Variants in RNFT2 observed in about 807,000 individuals in gnomAD.
RNFT2 encodes ring finger protein, transmembrane 2, also known as E3 ubiquitin-protein ligase RNFT2.
A neutral mutation model predicts 53.0 loss-of-function variants in RNFT2; 36 were observed. The ratio of observed to expected loss-of-function variants is 0.68; its 90% confidence interval spans 0.52 to 0.90. RNFT2 has a LOEUF of 0.90. Among genes scored for constraint, RNFT2 ranks in the 40% least tolerant of loss-of-function variants. The probability of loss-of-function intolerance (pLI) is 0.00; values close to 1 mark genes in which losing one functional copy is unlikely to be tolerated. For synonymous variants in RNFT2, 260 were observed against 253.2 expected (o/e 1.03, Z -0.26); for missense variants, 514 against 585.6 (o/e 0.88, Z 1.26).
chr12:116,823,158 G>C (rs537405625), intron 7 of RNFT2, among the ~76,000 whole-genome samples: 2 of 152,252 alleles, frequency 1.3e-5, no homozygotes, highest in Admixed American at 6.5e-5. Flanking sequence ...CTTTGTGGAA[G>C]CTACTTCATG....
At chr12:116,756,410 G>C (rs1231404677) in intron 5 of RNFT2, among the ~76,000 whole-genome samples, 1 of 151,946 alleles carries the variant, frequency 6.6e-6, no homozygotes, top group African/African-American at 2.4e-5. Context: ...AAGAGCTACT[G>C]ACTTCTGTAC....
In RNFT2 at chr12:116,849,357, A is replaced by T. The variant is rs1877788728; in HGVS notation, c.1244A>T (p.Glu415Val). Residue 415 changes from glutamate to valine, a missense_variant, in exon 11 of 11, where the codon GAG (glutamate) becomes GTG (valine). Physicochemically the swap from Glu to Val is moderately radical, Grantham distance 121. Coordinates refer to ENST00000257575, the MANE Select transcript of RNFT2 (RefSeq NM_001382266.1). ...TGCCTCTGCCTGTGGCTGGACCGTG[A>T]GCGCACCTGCCCGCTCTGCCGCTCG... is the stretch of plus-strand genomic sequence containing the variant. ...EECLCLWLDR[E>V]RTCPLCRSVA... 6.5e-7 allele frequency: 1 copy of T among 1,546,592 alleles called. No individual in the cohort carries two copies. Among genetic ancestry groups the T allele is most frequent in the Non-Finnish European group, 8.7e-7 (1 of 1,149,204 alleles).
Position 116,849,346 on chromosome 12 carries a change from G to A in RNFT2, c.1233G>A (p.Trp411Ter). Residue 411 changes from tryptophan to a stop codon, truncating the protein, a stop_gained, in exon 11 of 11, where the codon TGG becomes TGA. Coordinates refer to ENST00000257575, the MANE Select transcript of RNFT2 (RefSeq NM_001382266.1). LOFTEE classifies it high-confidence loss of function. ...TCTGTGAGGAGTGCCTCTGCCTGTG[G>A]CTGGACCGTGAGCGCACCTGCCCGC... is the stretch of plus-strand genomic sequence containing the variant. ...HVFCEECLCL[W>*]LDRERTCPLC... The A allele has an allele frequency of 6.5e-7, 1 of 1,543,822 alleles. No individual in the cohort carries two copies.
intron 2 of RNFT2, 102 bp from the exon 3 acceptor site, chr12:116,740,934 A>G (rs1871575708): frequency 2.1e-6 from 2 of 961,452 alleles, no homozygotes; most frequent in Non-Finnish European, 3.3e-6. Context: ...CTAGGGGTCT[A>G]AGATACGACT....
rs1428144196 is a variant in RNFT2, at chr12:116,832,146, AAAATAT to A, written c.883-1644_883-1639del. 9.7e-4 allele frequency among the ~76,000 whole-genome samples: 69 copies of A among 71,092 alleles called. 1 individual carries two copies. The highest frequency in any genetic ancestry group is 3.4e-3 in the African/African-American group (67 of 19,572). 46.6% of individuals were successfully genotyped at this position (71,092 alleles called of 152,430 possible). A position where few individuals can be genotyped will look rare whatever the true frequency, so the allele number is the denominator to read the frequency against. On this transcript the variant is annotated intron_variant, in intron 7 of 10. Transcript: ENST00000257575. ...ACCTTGTCTCAAAAAAAAAAAAAAA[AAAATAT>A]ATATATATATATATATATCTTTCTA... is the stretch of plus-strand genomic sequence containing the variant.
intron 8 of RNFT2, among the ~76,000 whole-genome samples, chr12:116,835,304 C>A (rs1876904972): frequency 6.6e-6 from 1 of 152,226 alleles, no homozygotes; most frequent in South Asian, 2.1e-4. Context: ...CACACTTCTA[C>A]TGAATGTTTT....
intron 5 of RNFT2, among the ~76,000 whole-genome samples, chr12:116,764,749 G>A (rs1201357742): frequency 6.6e-6 from 1 of 152,098 alleles, no homozygotes; most frequent in Non-Finnish European, 1.5e-5. Context: ...AAAATTAGCT[G>A]GGCATGGTGG....
At chr12:116,779,082 C>G in intron 6 of RNFT2, 113 bp from the exon 7 acceptor site, 1 of 1,122,872 alleles carries the variant, frequency 8.9e-7, no homozygotes, top group Admixed American at 2.1e-5. Context: ...CGTCTGACTC[C>G]CAGTTCAGCG....
At chr12:116,817,923 T>A (rs927511019) in intron 7 of RNFT2, among the ~76,000 whole-genome samples, 2 of 152,210 alleles carry the variant, frequency 1.3e-5, no homozygotes, top group African/African-American at 2.4e-5. Context: ...TCTCATTTCA[T>A]TGGGGGAAAT....
chr12:116,800,814 A>AAAATAAAATAAAATGAAATG (rs2137149943), intron 7 of RNFT2, among the ~76,000 whole-genome samples: 1 of 108,002 alleles, frequency 9.3e-6, no homozygotes, highest in African/African-American at 4.5e-5. Flanking sequence ...ACTCCATCTT[A>AAAATAAAATAAAATGAAATG]AAATAAAATA....
chr12:116,740,607 A>T, intron 2 of RNFT2, 86 bp downstream of exon 2: 1 of 1,216,236 alleles, frequency 8.2e-7, no homozygotes, highest in Non-Finnish European at 1.2e-6. Flanking sequence ...TGACCACTCC[A>T]CCCCTCCCAT....
intron 5 of RNFT2, among the ~76,000 whole-genome samples, chr12:116,763,289 C>T (rs1019324360): frequency 7.9e-5 from 12 of 152,204 alleles, no homozygotes; most frequent in African/African-American, 2.6e-4. Flanking sequence ...GCATCACTAC[C>T]GATCAGGGAA....
At chr12:116,759,309 T>C (rs1872608881) in intron 5 of RNFT2, among the ~76,000 whole-genome samples, 1 of 152,256 alleles carries the variant, frequency 6.6e-6, no homozygotes, top group Admixed American at 6.5e-5. Flanking sequence ...TGCCTTTCTC[T>C]GGTCCCTCCC....
intron 7 of RNFT2, among the ~76,000 whole-genome samples, chr12:116,786,720 A>C (rs577994316): frequency 6.6e-6 from 1 of 152,336 alleles, no homozygotes; most frequent in South Asian, 2.1e-4. Flanking sequence ...GGTGGCTTGA[A>C]ATAACAGAAA....
intron 8 of RNFT2, among the ~76,000 whole-genome samples, chr12:116,834,747 A>G (rs903781288): frequency 6.6e-6 from 1 of 151,772 alleles, no homozygotes; most frequent in African/African-American, 2.4e-5. Flanking sequence ...AGTATTTTTT[A>G]TGGTTTAATC....
In RNFT2 at chr12:116,852,105, A is replaced by G; in HGVS notation, c.*2657A>G. 1 of 998,000 alleles carries G rather than the reference A, an allele frequency of 1.0e-6. No individual in the cohort carries two copies. Among genetic ancestry groups the G allele is most frequent in the South Asian group, 1.9e-5 (1 of 53,770 alleles). 61.8% of individuals were successfully genotyped at this position (998,000 alleles called of 1,614,324 possible). The stretch of plus-strand genomic sequence containing the variant: ...TCTGAAATCTGGCATGAGATGGCAC[A>G]GGTGACCACGCAGAAGCCACCAGAA... On this transcript the variant is annotated 3_prime_UTR_variant, in exon 11 of 11. Transcript: ENST00000257575.
chr12:116,773,319 A>G (rs576707935), intron 6 of RNFT2, among the ~76,000 whole-genome samples: 54 of 152,318 alleles, frequency 3.5e-4, no homozygotes, highest in Admixed American at 3.4e-3. Flanking sequence ...TTAAGAAAAC[A>G]TATCAACTAA....
chr12:116,852,122 C>A lies in RNFT2; in HGVS notation c.*2674C>A. On this transcript the variant is annotated 3_prime_UTR_variant, in exon 11 of 11. Transcript: ENST00000257575. The stretch of plus-strand genomic sequence containing the variant: ...GATGGCACAGGTGACCACGCAGAAG[C>A]CACCAGAATCTTGCCTGCCCTATTC... 1.0e-6 allele frequency: 1 copy of A among 991,064 alleles called. No homozygotes were observed. The highest frequency in any genetic ancestry group is 1.4e-6 in the Non-Finnish European group (1 of 706,268). 61.4% of individuals were successfully genotyped at this position (991,064 alleles called of 1,614,324 possible). A position where few individuals can be genotyped will look rare whatever the true frequency, so the allele number is the denominator to read the frequency against.
At chr12:116,812,194 A>T (rs999680215) in intron 7 of RNFT2, among the ~76,000 whole-genome samples, 7 of 152,274 alleles carry the variant, frequency 4.6e-5, no homozygotes, top group Admixed American at 1.3e-4. Flanking sequence ...CAAGAACAAG[A>T]CAGAGGGAGA....
Sources: gnomAD v4.1 joint callset for allele counts (sites outside exome capture counted in the v4.1 genomes callset) on GRCh38, gnomAD v4.1.1 for gene constraint, MANE v1.5 for transcripts, NCBI Gene and HGNC (gene_info 2026-07-23, HGNC 2026-07-21) for gene names.